The following ZMAT4 variants were observed in gnomAD, a reference collection of about 807,000 sequenced individuals.
The protein encoded by ZMAT4 is zinc finger matrin-type 4.
ZMAT4 carries 17 observed loss-of-function variants against 28.7 expected under a neutral mutation model. That is an observed-to-expected ratio of 0.59 (90% CI 0.41 to 0.89). ZMAT4 has a LOEUF of 0.89. Among genes scored for constraint, ZMAT4 ranks in the 40% least tolerant of loss-of-function variants. ZMAT4 has a pLI of 0.00. For synonymous variants in ZMAT4, 117 were observed against 109.2 expected, an observed-to-expected ratio of 1.07 and a Z score of -0.44; for missense variants, 240 against 283.8, an observed-to-expected ratio of 0.85 and a Z score of 1.11.
chr8:40,806,787 G>T (rs1563497496), intron 2 of ZMAT4, among the ~76,000 whole-genome samples: 2 of 151,988 alleles, frequency 1.3e-5, no homozygotes, highest in East Asian at 1.9e-4. Context: ...TTTTTGATGT[G>T]TTTTTTTAAA....
chr8:40,542,945 G>T (rs1803088591), intron 6 of ZMAT4, among the ~76,000 whole-genome samples: 1 of 152,320 alleles, frequency 6.6e-6, no homozygotes, highest in East Asian at 1.9e-4. Context: ...CTGAATGCCT[G>T]TGGCCTGGCC....
intron 1 of ZMAT4, among the ~76,000 whole-genome samples, chr8:40,840,833 T>A (rs540539733): frequency 6.6e-6 from 1 of 152,222 alleles, no homozygotes; most frequent in South Asian, 2.1e-4. Flanking sequence ...ACAGTTACTA[T>A]AGTACCATCT....
chr8:40,872,917 C>T (rs1044521708), intron 1 of ZMAT4, among the ~76,000 whole-genome samples: 32 of 152,218 alleles, frequency 2.1e-4, no homozygotes, highest in Admixed American at 5.2e-4. Flanking sequence ...ACCACTAGAG[C>T]CGTCAGCAGG....
chr8:40,546,731 A>G (rs1803214421), intron 6 of ZMAT4, among the ~76,000 whole-genome samples: 1 of 152,164 alleles, frequency 6.6e-6, no homozygotes, highest in Non-Finnish European at 1.5e-5. Flanking sequence ...GGGAAGGGAG[A>G]AAGGCCCTCC....
chr8:40,631,566 C>T (rs1393229956), intron 5 of ZMAT4, among the ~76,000 whole-genome samples: 3 of 152,178 alleles, frequency 2.0e-5, no homozygotes, highest in East Asian at 3.8e-4. Flanking sequence ...ATATGCAGTT[C>T]CCTGTTCTGG....
intron 4 of ZMAT4, among the ~76,000 whole-genome samples, chr8:40,689,299 G>A (rs1809556461): frequency 6.6e-6 from 1 of 152,250 alleles, no homozygotes; most frequent in Non-Finnish European, 1.5e-5. Flanking sequence ...TGAGCCCTGT[G>A]AGTGGCACTA....
At chr8:40,626,652 C>T (rs1178738917) in intron 5 of ZMAT4, among the ~76,000 whole-genome samples, 1 of 152,150 alleles carries the variant, frequency 6.6e-6, no homozygotes. Context: ...GTAGCCATAA[C>T]ATTGAGAAAC....
At chr8:40,557,521 C>G (rs1344586448) in intron 6 of ZMAT4, among the ~76,000 whole-genome samples, 1 of 152,158 alleles carries the variant, frequency 6.6e-6, no homozygotes, top group African/African-American at 2.4e-5. Context: ...CCTGAACCAA[C>G]CTCTTTACTC....
At chr8:40,813,211 C>T (rs1468927396) in intron 2 of ZMAT4, among the ~76,000 whole-genome samples, 2 of 152,010 alleles carry the variant, frequency 1.3e-5, no homozygotes, top group African/African-American at 4.8e-5. Flanking sequence ...AAGCCATGCA[C>T]ACTTTAAAGA....
At chr8:40,756,455 T>TATATATATATATATATAC (rs1171649512) in intron 3 of ZMAT4, among the ~76,000 whole-genome samples, 46 of 122,630 alleles carry the variant, frequency 3.8e-4, no homozygotes, top group South Asian at 1.1e-3. Flanking sequence ...TATATATATA[T>TATATATATATATATATAC]ATACACACTT....
At chr8:40,775,427 C>T (rs1055624480) in intron 2 of ZMAT4, among the ~76,000 whole-genome samples, 1 of 152,160 alleles carries the variant, frequency 6.6e-6, no homozygotes, top group Admixed American at 6.5e-5. Context: ...GTGGAGGAAA[C>T]GTCTCAGCAG....
intron 2 of ZMAT4, among the ~76,000 whole-genome samples, chr8:40,801,351 AATATAT>A (rs1554559737): frequency 1.0e-5 from 1 of 97,258 alleles, no homozygotes; most frequent in Non-Finnish European, 2.2e-5. Flanking sequence ...TAAAAAAAAA[AATATAT>A]ATATATATAT....
chr8:40,855,390 A>G (rs1817260488), intron 1 of ZMAT4, among the ~76,000 whole-genome samples: 1 of 152,214 alleles, frequency 6.6e-6, no homozygotes, highest in African/African-American at 2.4e-5. Context: ...TGCTAGGCTC[A>G]GATGATTCCA....
At chr8:40,533,498 C>T (rs1030197497) in intron 6 of ZMAT4, among the ~76,000 whole-genome samples, 3 of 152,142 alleles carry the variant, frequency 2.0e-5, no homozygotes, top group Non-Finnish European at 4.4e-5. Context: ...TCCCATCTTC[C>T]TTCGCTAAGG....
chr8:40,714,057 A>G (rs10098062), intron 3 of ZMAT4, among the ~76,000 whole-genome samples: 44,105 of 151,952 alleles, frequency 0.29, 6,982 homozygotes, highest in Non-Finnish European at 0.36. Context: ...ATGAGTTACC[A>G]TTTTTTACTC....
At chr8:40,610,884 T>C (rs543757312) in intron 5 of ZMAT4, among the ~76,000 whole-genome samples, 2 of 150,736 alleles carry the variant, frequency 1.3e-5, no homozygotes, top group Admixed American at 6.6e-5. Context: ...GGGGTAGTCC[T>C]AGACTAAATT....
chr8:40,641,162 T>G (rs1406727611), intron 5 of ZMAT4, among the ~76,000 whole-genome samples: 1 of 152,134 alleles, frequency 6.6e-6, no homozygotes, highest in Non-Finnish European at 1.5e-5. Context: ...GTCCAATATC[T>G]CTAGAGATCT....
In ZMAT4 at chr8:40,698,471, A is replaced by G. The variant is rs1809990661; in HGVS notation, c.193-1070T>C. 4.6e-5 allele frequency among the ~76,000 whole-genome samples: 7 copies of G among 152,170 alleles called. No homozygotes were observed. The South Asian group carries it at 1.4e-3, about 32-fold the overall frequency. On this transcript the variant is annotated intron_variant, in intron 3 of 6. Coordinates refer to ENST00000297737, the MANE Select transcript of ZMAT4 (RefSeq NM_024645.3). ...TAATCTATTCCTTAATGGTGCAGCA[A>G]TAGCCGAACATCTCTTTGTTAAAGA...
intron 5 of ZMAT4, among the ~76,000 whole-genome samples, chr8:40,589,271 C>A (rs1364281528): frequency 6.6e-6 from 1 of 152,166 alleles, no homozygotes; most frequent in Non-Finnish European, 1.5e-5. Flanking sequence ...TTACTCAAAA[C>A]CATCTAGCTA....
Sources: allele counts gnomAD v4.1 joint callset (sites outside exome capture counted in the v4.1 genomes callset), GRCh38; gene constraint gnomAD v4.1.1; transcripts MANE v1.5; gene names NCBI Gene and HGNC (gene_info 2026-07-23, HGNC 2026-07-21).